ASCC3: variants seen among roughly 807,000 people sequenced by gnomAD.
ASCC3 encodes the protein activating signal cointegrator 1 complex subunit 3.
A neutral mutation model predicts 256.3 loss-of-function variants in ASCC3; 158 were observed. That is an observed-to-expected ratio of 0.62 (90% CI 0.54 to 0.70). The LOEUF (loss-of-function observed/expected upper bound fraction) is 0.70, where lower values mean the gene tolerates loss of function less well. Ranked by LOEUF, ASCC3 falls within the 30% of genes least tolerant of loss-of-function variation. The pLI, the probability that ASCC3 is intolerant of heterozygous loss-of-function variation, is 0.00. For synonymous variants in ASCC3, 948 were observed against 883.4 expected, an observed-to-expected ratio of 1.07 and a Z score of -1.30; for missense variants, 2,259 against 2,626.0, an observed-to-expected ratio of 0.86 and a Z score of 3.05.
At chr6:100,607,440 G>C (rs940437827) in intron 30 of ASCC3, among the ~76,000 whole-genome samples, 5 of 151,654 alleles carry the variant, frequency 3.3e-5, no homozygotes, top group Non-Finnish European at 7.4e-5. Context: ...TGTTTTTGAA[G>C]TTCAGTGCCA....
chr6:100,699,174 C>T (rs1179882277), intron 13 of ASCC3, among the ~76,000 whole-genome samples: 1 of 152,172 alleles, frequency 6.6e-6, no homozygotes, highest in Non-Finnish European at 1.5e-5. Flanking sequence ...TGTCCCCACA[C>T]AAATCTCATC....
In ASCC3 at chr6:100,646,629, T is replaced by C. The variant is rs1164890495; in HGVS notation, c.3619A>G (p.Thr1207Ala). 1.2e-6 allele frequency: 2 copies of C among 1,614,088 alleles called. No individual in the cohort carries two copies. Among genetic ancestry groups the C allele is most frequent in the Non-Finnish European group, 1.7e-6 (2 of 1,179,970 alleles). Reference protein sequence around the residue: ...RVTLSIYADFTWNDQVHGTVG... With the variant: ...RVTLSIYADFAWNDQVHGTVG... ...TCCACTTCTACCTGATCATTCCAAG[T>C]GAAATCAGCATAGATGCTGAGTGTC... The change falls in exon 22 of 42, where the codon ACT (threonine) becomes GCT (alanine). Residue 1207 changes from threonine to alanine, a missense_variant. Around this residue, in one of 2 missense-constraint regions of ASCC3, gnomAD observed 1,839 missense variants for 2,206.7 expected, o/e 0.83. Transcript: ENST00000369162.
intron 13 of ASCC3, among the ~76,000 whole-genome samples, chr6:100,706,409 C>T (rs867204309): frequency 6.6e-6 from 1 of 150,506 alleles, no homozygotes; most frequent in African/African-American, 2.4e-5. Context: ...AAGCAGAAGA[C>T]AGAACACTAC....
intron 36 of ASCC3, among the ~76,000 whole-genome samples, chr6:100,547,679 GCATAGCTGGTGGGAATGT>G (rs1769050341): frequency 1.3e-5 from 2 of 152,020 alleles, no homozygotes; most frequent in Admixed American, 1.3e-4. Context: ...GAAATTTCAT[GCATAGCTGGTGGGAATGT>G]AAGATGTTCC....
intron 4 of ASCC3, among the ~76,000 whole-genome samples, chr6:100,824,144 T>A (rs542653652): frequency 6.6e-6 from 1 of 152,312 alleles, no homozygotes; most frequent in African/African-American, 2.4e-5. Context: ...CTAATTAGAT[T>A]ATGGGTTTAC....
intron 8 of ASCC3, among the ~76,000 whole-genome samples, chr6:100,779,740 G>A (rs1207417684): frequency 6.6e-6 from 1 of 152,082 alleles, no homozygotes; most frequent in Non-Finnish European, 1.5e-5. Flanking sequence ...TTAATTTCAG[G>A]TAAACTATGT....
Position 100,627,623 on chromosome 6 carries a change from GAGGAC to G in ASCC3, c.4604_4608del (p.Cys1535SerfsTer4). ...GCAGGCTTGTTCATACTAGCCATAC[GAGGAC>G]AGTAATGTTGACCTGGAAAGCCTTG... On this transcript the variant is annotated frameshift_variant, in exon 29 of 42. Coordinates refer to ENST00000369162, the MANE Select transcript of ASCC3 (RefSeq NM_006828.4). 6.2e-7 allele frequency: 1 copy of G among 1,613,470 alleles called. No individual in the cohort carries two copies. Among genetic ancestry groups the G allele is most frequent in the Non-Finnish European group, 8.5e-7 (1 of 1,179,662 alleles).
intron 25 of ASCC3, among the ~76,000 whole-genome samples, chr6:100,631,991 C>T (rs796705601): frequency 2.6e-5 from 4 of 151,520 alleles, no homozygotes; most frequent in Non-Finnish European, 3.0e-5. Context: ...AAGAAACTAG[C>T]CCATAATTCC....
At chr6:100,809,742 T>C (rs1200919859) in intron 4 of ASCC3, among the ~76,000 whole-genome samples, 4 of 152,152 alleles carry the variant, frequency 2.6e-5, no homozygotes, top group Non-Finnish European at 4.4e-5. Flanking sequence ...CTACTTACTT[T>C]ATACCCACAT....
intron 37 of ASCC3, among the ~76,000 whole-genome samples, chr6:100,532,406 ATTTTT>A (rs57203625): frequency 0.034 from 1,626 of 48,288 alleles, 33 homozygotes; most frequent in East Asian, 0.13. Context: ...ATATATATAT[ATTTTT>A]TTTTTTTTTT....
At chr6:100,554,832 T>C (rs1029429258) in intron 36 of ASCC3, among the ~76,000 whole-genome samples, 8 of 152,112 alleles carry the variant, frequency 5.3e-5, no homozygotes, top group Non-Finnish European at 7.4e-5. Context: ...AAATGCCTTA[T>C]ATTTTTATCT....
At chr6:100,822,337 G>A (rs1771086212) in intron 4 of ASCC3, among the ~76,000 whole-genome samples, 1 of 152,178 alleles carries the variant, frequency 6.6e-6, no homozygotes, top group Non-Finnish European at 1.5e-5. Context: ...AGGAGTTCGA[G>A]ACCAACCTGG....
intron 1 of ASCC3, among the ~76,000 whole-genome samples, chr6:100,878,777 C>A (rs1769129690): frequency 6.6e-6 from 1 of 152,198 alleles, no homozygotes; most frequent in Non-Finnish European, 1.5e-5. Flanking sequence ...TCTGCTCTCA[C>A]ACGACAACCA....
chr6:100,605,555 A>T lies in ASCC3; in HGVS notation c.5177+13T>A. The T allele has an allele frequency of 6.9e-7, 1 of 1,457,938 alleles. No individual in the cohort carries two copies. The highest frequency in any genetic ancestry group is 9.6e-7 in the Non-Finnish European group (1 of 1,040,712). The allele number at this position is 1,457,938 out of a possible 1,614,324, so 90.3% of individuals were successfully genotyped here. ...TAAATAAATCCATTTAAACTAATTTAAATAAGATTTACCTTGATTCTACTG... is the reference window on the plus strand; with the variant it reads ...TAAATAAATCCATTTAAACTAATTTTAATAAGATTTACCTTGATTCTACTG... On this transcript the variant is annotated intron_variant, in intron 33 of 41. Coordinates refer to ENST00000369162, the MANE Select transcript of ASCC3 (RefSeq NM_006828.4).
intron 4 of ASCC3, among the ~76,000 whole-genome samples, chr6:100,810,997 C>A (rs1485661812): frequency 1.3e-5 from 2 of 152,108 alleles, no homozygotes; most frequent in African/African-American, 4.8e-5. Context: ...TGTAAAAGTA[C>A]TGAAGATGTG....
At chr6:100,600,207 A>G (rs1326529824) in intron 34 of ASCC3, among the ~76,000 whole-genome samples, 3 of 30,274 alleles carry the variant, frequency 9.9e-5, no homozygotes, top group African/African-American at 2.0e-4. Flanking sequence ...ATGCACATGC[A>G]CACACACACA....
At chr6:100,794,792 A>T (rs973055275) in intron 8 of ASCC3, among the ~76,000 whole-genome samples, 1 of 152,034 alleles carries the variant, frequency 6.6e-6, no homozygotes, top group Non-Finnish European at 1.5e-5. Flanking sequence ...TGTTTGGGCC[A>T]GTAGTCCATT....
chr6:100,578,788 T>C (rs1771023753), intron 36 of ASCC3, among the ~76,000 whole-genome samples: 1 of 152,122 alleles, frequency 6.6e-6, no homozygotes, highest in Non-Finnish European at 1.5e-5. Context: ...TACCCAATAA[T>C]GGATTGCTGG....
At chr6:100,750,604 A>C (rs1324905171) in intron 10 of ASCC3, among the ~76,000 whole-genome samples, 1 of 151,946 alleles carries the variant, frequency 6.6e-6, no homozygotes, top group Non-Finnish European at 1.5e-5. Flanking sequence ...TTCCTGTATA[A>C]GATTCTCACT....
Sources: allele counts gnomAD v4.1 joint callset (sites outside exome capture counted in the v4.1 genomes callset), GRCh38; gene constraint gnomAD v4.1.1; regional missense constraint gnomAD v4.1.1; transcripts MANE v1.5; gene names NCBI Gene and HGNC (gene_info 2026-07-23, HGNC 2026-07-21).